Variants in SIRPG observed in about 807,000 individuals in gnomAD.
The protein encoded by SIRPG is signal regulatory protein gamma, also known as signal-regulatory protein gamma.
Under a neutral mutation model 35.7 loss-of-function variants are expected in SIRPG, and 38 were observed. That is an observed-to-expected ratio of 1.06 (90% confidence interval 0.82 to 1.40). The LOEUF is 1.40. SIRPG is among the 40% of genes most tolerant of loss of function. The pLI is 0.00. For synonymous variants in SIRPG, 215 were observed against 190.4 expected, an observed-to-expected ratio of 1.13 and a Z score of -1.06; for missense variants, 519 against 483.0, an observed-to-expected ratio of 1.07 and a Z score of -0.70.
At chr20:1,677,654 T>A in the SIRPG span, among the ~76,000 whole-genome samples, 2 of 152,310 alleles carry the variant, frequency 1.3e-5, no homozygotes, top group South Asian at 2.1e-4. Context: ...AAAAGAAATG[T>A]ATCATATTGT....
At chr20:1,685,157 C>T in the SIRPG span, among the ~76,000 whole-genome samples, 1 of 152,094 alleles carries the variant, frequency 6.6e-6, no homozygotes, top group African/African-American at 2.4e-5. Context: ...CTCTCCCAGG[C>T]TGCACCAGGA....
chr20:1,669,836 G>A, the SIRPG span: 2 of 152,510 alleles, frequency 1.3e-5, no homozygotes, highest in Non-Finnish European at 2.9e-5. Context: ...TAGATTTCTA[G>A]GTTATTTTAT....
At chr20:1,686,202 C>G in the SIRPG span, among the ~76,000 whole-genome samples, 1 of 152,138 alleles carries the variant, frequency 6.6e-6, no homozygotes, top group Non-Finnish European at 1.5e-5. Context: ...ATCTTCTGCT[C>G]TCAGACAATG....
chr20:1,662,776 CA>C (rs2091999365), upstream of SIRPG, among the ~76,000 whole-genome samples: 1 of 152,078 alleles, frequency 6.6e-6, no homozygotes, highest in Non-Finnish European at 1.5e-5. Flanking sequence ...AAAGTGAGGA[CA>C]TGCAAAATAA....
At chr20:1,630,625 A>G (rs919512699) in intron 4 of SIRPG, 17 of 275,146 alleles carry the variant, frequency 6.2e-5, no homozygotes, top group African/African-American at 3.2e-4. Context: ...AGGGATTGTC[A>G]TTCCATTCTG....
In SIRPG at chr20:1,649,375, T is replaced by C. The variant is rs202224518; in HGVS notation, c.107A>G (p.Gln36Arg). The change falls in exon 2 of 6, where the codon CAG becomes CGG. Residue 36 changes from glutamine (Q) to arginine (R), a missense_variant. Transcript: ENST00000303415. ...VAGEEELQMI[Q>R]PEKLLLVTVG... is the part of the protein sequence containing the mutation. ...TGTGACCAACAGGAGCTTCTCAGGC[T>C]GAATCATCTGTAGCTCCTCCTCACC... 1 of 1,612,504 alleles carries C rather than the reference T, an allele frequency of 6.2e-7. No individual in the cohort carries two copies. Among genetic ancestry groups the C allele is most frequent in the East Asian group, 2.2e-5 (1 of 44,836 alleles).
At chr20:1,674,252 G>A in the SIRPG span, among the ~76,000 whole-genome samples, 17,152 of 151,204 alleles carry the variant, frequency 0.11, 1,080 homozygotes, top group African/African-American at 0.17. Context: ...TGATTCTAAT[G>A]AGCAGCCAAG....
At chr20:1,646,541 C>T (rs1478112247) in intron 2 of SIRPG, 4 of 152,274 alleles carry the variant, frequency 2.6e-5, no homozygotes, top group African/African-American at 9.6e-5. Flanking sequence ...GTGCTGAGAC[C>T]TGTCTTTTAG....
upstream of SIRPG, among the ~76,000 whole-genome samples, chr20:1,659,953 C>A (rs1053189427): frequency 1.3e-5 from 2 of 152,122 alleles, no homozygotes; most frequent in African/African-American, 4.8e-5. Flanking sequence ...CTGCAGCTAA[C>A]AAATTCAAGA....
chr20:1,663,268 G>C, the SIRPG span, among the ~76,000 whole-genome samples: 1 of 152,152 alleles, frequency 6.6e-6, no homozygotes, highest in Non-Finnish European at 1.5e-5. Context: ...AGCCGAGATC[G>C]TGCCACTGCA....
chr20:1,664,494 G>A, the SIRPG span, among the ~76,000 whole-genome samples: 3 of 152,232 alleles, frequency 2.0e-5, no homozygotes, highest in Admixed American at 2.0e-4. Context: ...GAATCCTAGT[G>A]TATTCAGATT....
chr20:1,668,696 CA>C, the SIRPG span, among the ~76,000 whole-genome samples: 2 of 152,136 alleles, frequency 1.3e-5, no homozygotes, highest in African/African-American at 4.8e-5. Flanking sequence ...AAAATATACC[CA>C]ATTTAGATGA....
intron 1 of SIRPG, among the ~76,000 whole-genome samples, chr20:1,655,727 T>A (rs936611164): frequency 2.6e-5 from 4 of 152,176 alleles, no homozygotes; most frequent in Non-Finnish European, 5.9e-5. Flanking sequence ...TGTTTATTAG[T>A]TCAAATTAGT....
At chr20:1,651,113 A>G (rs1466202553) in intron 1 of SIRPG, 1 of 152,226 alleles carries the variant, frequency 6.6e-6, no homozygotes, top group Non-Finnish European at 1.5e-5. Context: ...GGAAATGCTA[A>G]AGGGAGTGCT....
At chr20:1,656,197 C>A (rs1369408743) in intron 1 of SIRPG, among the ~76,000 whole-genome samples, 4 of 152,150 alleles carry the variant, frequency 2.6e-5, no homozygotes, top group African/African-American at 9.7e-5. Context: ...AATATTTCTA[C>A]ACATAGCATA....
intron 1 of SIRPG, among the ~76,000 whole-genome samples, chr20:1,650,817 A>G (rs890359821): frequency 6.6e-6 from 1 of 152,242 alleles, no homozygotes; most frequent in African/African-American, 2.4e-5. Flanking sequence ...GTACATTATA[A>G]TTCAACTGTC....
chr20:1,685,576 G>A, the SIRPG span, among the ~76,000 whole-genome samples: 2 of 152,154 alleles, frequency 1.3e-5, no homozygotes, highest in East Asian at 3.9e-4. Flanking sequence ...GGAAGTAAAT[G>A]TCTGTAATTT....
the SIRPG span, among the ~76,000 whole-genome samples, chr20:1,673,677 A>G: frequency 2.6e-5 from 4 of 152,158 alleles, no homozygotes; most frequent in African/African-American, 9.7e-5. Context: ...TTTCTGAACA[A>G]TCCCCTCAGG....
rs1412207954 is a variant in SIRPG at position 1,657,499 on chromosome 20, C to A, written c.73+143G>T. Reference sequence around the variant, plus strand: ...AGATCCACAGAGAAAGTGCTCAGCTCCCTGATCTTCTGCTCTTGGACAATG... The same window carrying A: ...AGATCCACAGAGAAAGTGCTCAGCTACCTGATCTTCTGCTCTTGGACAATG... On this transcript the variant is annotated intron_variant, in intron 1 of 5. Coordinates refer to ENST00000303415, the MANE Select transcript of SIRPG (RefSeq NM_018556.4). 5 of 806,930 alleles carry A rather than the reference C, an allele frequency of 6.2e-6. No individual in the cohort carries two copies. In the East Asian group the frequency reaches 1.1e-4, roughly 17 times the overall value. The allele number at this position is 806,930 out of a possible 1,614,324, so 50.0% of individuals were successfully genotyped here. A position where few individuals can be genotyped will look rare whatever the true frequency, so the allele number is the denominator to read the frequency against.
Sources: gnomAD v4.1 joint callset for allele counts (sites outside exome capture counted in the v4.1 genomes callset) on GRCh38, gnomAD v4.1.1 for gene constraint, MANE v1.5 for transcripts, NCBI Gene and HGNC (gene_info 2026-07-23, HGNC 2026-07-21) for gene names.